Variants in ADGRL3 observed in about 807,000 individuals in gnomAD.
The protein encoded by ADGRL3 is adhesion G protein-coupled receptor L3.
Under a neutral mutation model 153.5 loss-of-function variants are expected in ADGRL3, and 62 were observed. The ratio of observed to expected loss-of-function variants is 0.40; its 90% confidence interval spans 0.33 to 0.50. The LOEUF (loss-of-function observed/expected upper bound fraction) is 0.50, where lower values mean the gene tolerates loss of function less well. Ranked by LOEUF, ADGRL3 falls within the 20% of genes least tolerant of loss-of-function variation. ADGRL3 has a pLI of 0.47. For missense variants in ADGRL3, 1,641 were observed against 1,859.4 expected, an observed-to-expected ratio of 0.88 and a Z score of 2.16; for synonymous variants, 710 against 672.5, an observed-to-expected ratio of 1.06 and a Z score of -0.86.
chr4:61,557,175 A>G (rs968870219), intron 4 of ADGRL3, among the ~76,000 whole-genome samples: 2 of 152,256 alleles, frequency 1.3e-5, no homozygotes, highest in African/African-American at 4.8e-5. Context: ...CTTCTTAGAA[A>G]TATTTAGTCA....
At chr4:61,286,452 C>A (rs1466908666) in intron 1 of ADGRL3, among the ~76,000 whole-genome samples, 2 of 151,234 alleles carry the variant, frequency 1.3e-5, no homozygotes, top group South Asian at 2.1e-4. Context: ...ATTTATATTT[C>A]TTTGAGAGTA....
intron 6 of ADGRL3, among the ~76,000 whole-genome samples, chr4:61,694,085 C>T (rs1388715348): frequency 1.3e-5 from 2 of 150,706 alleles, no homozygotes; most frequent in African/African-American, 4.9e-5. Flanking sequence ...GACTTCAAAA[C>T]AGTGTATCTT....
intron 9 of ADGRL3, among the ~76,000 whole-genome samples, chr4:61,856,980 CTTTCTTTCTTTCTTTCTTTCTTTCTT>C (rs2098278237): frequency 1.8e-5 from 2 of 111,352 alleles, no homozygotes; most frequent in African/African-American, 3.3e-5. Flanking sequence ...TTCTTTCTTT[CTTTCTTTCTTTCTTTCTTTCTTTCTT>C]TCTTTCTTTC....
chr4:61,348,958 T>G (rs2151283394), intron 1 of ADGRL3, among the ~76,000 whole-genome samples: 1 of 152,118 alleles, frequency 6.6e-6, no homozygotes, highest in Admixed American at 6.5e-5. Context: ...TTAAAACTAT[T>G]ATTTTAACTG....
At chr4:61,960,719 A>G (rs887272158) in intron 17 of ADGRL3, among the ~76,000 whole-genome samples, 2 of 141,712 alleles carry the variant, frequency 1.4e-5, no homozygotes, top group East Asian at 2.2e-4. Flanking sequence ...GTTTTGTTTT[A>G]TTTTGTTTTG....
In ADGRL3 at chr4:61,885,874, C is replaced by T. The variant is rs189795867; in HGVS notation, c.1481-6782C>T. 6.0e-4 allele frequency among the ~76,000 whole-genome samples: 92 copies of T among 152,204 alleles called. No homozygotes were observed. In the East Asian group the frequency reaches 0.015, roughly 25 times the overall value. On this transcript the variant is annotated intron_variant, in intron 9 of 26. Coordinates refer to ENST00000683033, the MANE Select transcript of ADGRL3 (RefSeq NM_001387552.1). ...GTTGGGAGTACTAAATTAGACAGCA[C>T]ATATGTAAAACATTCAGGACAGTTT...
chr4:61,591,861 G>C (rs892715624), intron 5 of ADGRL3, among the ~76,000 whole-genome samples: 1 of 151,862 alleles, frequency 6.6e-6, no homozygotes, highest in Admixed American at 6.6e-5. Context: ...AGTATTGCTT[G>C]ATTCCAGGAG....
At chr4:61,733,754 T>C (rs2096472288) in intron 8 of ADGRL3, among the ~76,000 whole-genome samples, 200 bp downstream of exon 8, 1 of 152,186 alleles carries the variant, frequency 6.6e-6, no homozygotes, top group African/African-American at 2.4e-5. Context: ...AAGTAGACTC[T>C]CCTTTGTTCT....
intron 8 of ADGRL3, among the ~76,000 whole-genome samples, chr4:61,774,945 C>T (rs2097130636): frequency 6.6e-6 from 1 of 152,118 alleles, no homozygotes; most frequent in South Asian, 2.1e-4. Flanking sequence ...GTGGATTCTT[C>T]TGGTGCCGTC....
chr4:61,382,463 T>C (rs2096681521), intron 1 of ADGRL3, among the ~76,000 whole-genome samples: 1 of 151,732 alleles, frequency 6.6e-6, no homozygotes, highest in South Asian at 2.1e-4. Context: ...TTTCTGGGTG[T>C]AAAAAGTCTG....
intron 20 of ADGRL3, 69 bp downstream of exon 20, chr4:61,996,426 C>T: frequency 1.9e-6 from 2 of 1,077,272 alleles, no homozygotes; most frequent in East Asian, 2.4e-5. Flanking sequence ...CCAGTACTGA[C>T]TGTCTTTAAT....
chr4:61,357,810 T>C (rs2151435939), intron 1 of ADGRL3, among the ~76,000 whole-genome samples: 1 of 152,226 alleles, frequency 6.6e-6, no homozygotes, highest in East Asian at 1.9e-4. Context: ...TATTGTTTAC[T>C]ATATTTAAAA....
At chr4:61,565,906 C>G (rs1038155983) in intron 4 of ADGRL3, among the ~76,000 whole-genome samples, 1 of 152,086 alleles carries the variant, frequency 6.6e-6, no homozygotes, top group Admixed American at 6.6e-5. Context: ...CCCTAATTTT[C>G]TTGGGTTTTC....
intron 2 of ADGRL3, among the ~76,000 whole-genome samples, chr4:61,430,185 A>T (rs1231224751): frequency 6.6e-6 from 1 of 152,180 alleles, no homozygotes; most frequent in Non-Finnish European, 1.5e-5. Flanking sequence ...ATAAATTAAT[A>T]GAAAAATATC....
chr4:61,231,422 C>G (rs962407562), intron 1 of ADGRL3, among the ~76,000 whole-genome samples: 1 of 152,084 alleles, frequency 6.6e-6, no homozygotes, highest in African/African-American at 2.4e-5. Flanking sequence ...GAATTAATTT[C>G]TAGGGGTTGT....
At chr4:61,300,008 T>C (rs2094530436) in intron 1 of ADGRL3, among the ~76,000 whole-genome samples, 1 of 152,142 alleles carries the variant, frequency 6.6e-6, no homozygotes, top group Admixed American at 6.5e-5. Context: ...TGTTGCAGAG[T>C]GGGCTTTTTA....
At chr4:61,566,478 G>T (rs1387603278) in intron 4 of ADGRL3, among the ~76,000 whole-genome samples, 1 of 152,104 alleles carries the variant, frequency 6.6e-6, no homozygotes, top group Admixed American at 6.6e-5. Context: ...GGAGGGAAAG[G>T]TTGAATTTAA....
At chr4:61,329,363 A>C (rs1301526511) in intron 1 of ADGRL3, among the ~76,000 whole-genome samples, 1 of 152,196 alleles carries the variant, frequency 6.6e-6, no homozygotes, top group Non-Finnish European at 1.5e-5. Flanking sequence ...ATATCAAGTA[A>C]TTCTTCCTGC....
chr4:61,412,158 C>A (rs2097095269), intron 2 of ADGRL3, among the ~76,000 whole-genome samples: 1 of 152,134 alleles, frequency 6.6e-6, no homozygotes, highest in South Asian at 2.1e-4. Context: ...GAACACAACT[C>A]ACTGCAGCCT....
Sources: gnomAD v4.1 joint callset for allele counts (sites outside exome capture counted in the v4.1 genomes callset) on GRCh38, gnomAD v4.1.1 for gene constraint, MANE v1.5 for transcripts, NCBI Gene and HGNC (gene_info 2026-07-23, HGNC 2026-07-21) for gene names.